COMMD10: variants seen among roughly 807,000 people sequenced by gnomAD.
COMMD10 encodes COMM domain containing 10.
In COMMD10, 33 loss-of-function variants were observed where a neutral mutation model predicts 28.9. That is an observed-to-expected ratio of 1.14 (90% CI 0.87 to 1.53). COMMD10 has a LOEUF of 1.53. Ranked by LOEUF, COMMD10 falls within the 40% of genes most tolerant of loss-of-function variation. The probability of loss-of-function intolerance (pLI) is 0.00; values close to 1 mark genes in which losing one functional copy is unlikely to be tolerated. For synonymous variants in COMMD10, 110 were observed against 81.7 expected, an observed-to-expected ratio of 1.35 and a Z score of -1.87; for missense variants, 310 against 233.4, an observed-to-expected ratio of 1.33 and a Z score of -2.14.
rs147670050 is a variant in COMMD10 at position 116,225,892 on chromosome 5, A to G, written c.511-65625A>G. Among the ~76,000 whole-genome samples the G allele has an allele frequency of 2.5e-3, 377 of 151,936 alleles. 3 individuals carry two copies. The highest frequency in any genetic ancestry group is 8.8e-3 in the African/African-American group (366 of 41,372). On this transcript the variant is annotated intron_variant, in intron 5 of 6. Transcript: ENST00000274458. ...GTGTAAATTTTGTTGTCAGCTAGGAATTTGTGTAGCTTGTGCTCTGAATTT... is the reference window on the plus strand; with the variant it reads ...GTGTAAATTTTGTTGTCAGCTAGGAGTTTGTGTAGCTTGTGCTCTGAATTT...
At chr5:116,280,390 T>G (rs1166898045) in intron 5 of COMMD10, among the ~76,000 whole-genome samples, 1 of 151,824 alleles carries the variant, frequency 6.6e-6, no homozygotes, top group African/African-American at 2.4e-5. Context: ...TTATTATCCC[T>G]TTGGTTGCCA....
At chr5:116,146,490 T>C (rs1752355040) in intron 5 of COMMD10, among the ~76,000 whole-genome samples, 1 of 151,912 alleles carries the variant, frequency 6.6e-6, no homozygotes. Flanking sequence ...TTGTAAATTT[T>C]ACTTCAAGAC....
chr5:116,273,281 A>T (rs1750805803), intron 5 of COMMD10, among the ~76,000 whole-genome samples: 1 of 151,854 alleles, frequency 6.6e-6, no homozygotes, highest in African/African-American at 2.4e-5. Flanking sequence ...AGCTTTTTGA[A>T]GAACCCTCCT....
At chr5:116,108,967 G>T (rs1750943173) in intron 4 of COMMD10, among the ~76,000 whole-genome samples, 1 of 152,080 alleles carries the variant, frequency 6.6e-6, no homozygotes, top group Non-Finnish European at 1.5e-5. Context: ...CTGACCCGTT[G>T]TGCTTCCCGG....
chr5:116,198,663 A>G (rs1346588263), intron 5 of COMMD10, among the ~76,000 whole-genome samples: 1 of 152,170 alleles, frequency 6.6e-6, no homozygotes, highest in African/African-American at 2.4e-5. Context: ...AAAATCCTCT[A>G]CAGTCCTGTT....
chr5:116,187,767 T>G (rs72804875), intron 5 of COMMD10, among the ~76,000 whole-genome samples: 8,252 of 152,266 alleles, frequency 0.054, 310 homozygotes, highest in East Asian at 0.15. Flanking sequence ...AACATTATTA[T>G]AAATAAAATT....
intron 5 of COMMD10, among the ~76,000 whole-genome samples, chr5:116,158,138 C>T (rs923908258): frequency 2.0e-5 from 2 of 100,604 alleles, no homozygotes; most frequent in Middle Eastern, 4.9e-3. Context: ...CCCTCCCTTC[C>T]CCTCCCTCCC....
At position 116,263,285 on chromosome 5, in the gene COMMD10, G is replaced by A. The variant is rs192595294; in HGVS notation, c.511-28232G>A. Among the ~76,000 whole-genome samples, 4 of 151,824 alleles carry A rather than the reference G, an allele frequency of 2.6e-5. No homozygotes were observed. The South Asian group carries it at 8.3e-4, about 31-fold the overall frequency. ...CTACATAAGGGATCTAGAGAGTCAT[G>A]CCCTACAAACCATAAATTCTCATCA... is the stretch of plus-strand genomic sequence containing the variant. On this transcript the variant is annotated intron_variant, in intron 5 of 6. Transcript: ENST00000274458.
At chr5:116,288,872 CTTTTTTTTTT>C (rs1157658912) in intron 5 of COMMD10, among the ~76,000 whole-genome samples, 15 of 104,360 alleles carry the variant, frequency 1.4e-4, no homozygotes, top group African/African-American at 3.3e-4. Flanking sequence ...TGTTCTCTCT[CTTTTTTTTTT>C]TTTTTTTTTT....
chr5:116,265,636 G>A (rs763964090), intron 5 of COMMD10, among the ~76,000 whole-genome samples: 3 of 151,738 alleles, frequency 2.0e-5, no homozygotes, highest in Non-Finnish European at 4.4e-5. Flanking sequence ...CCTGGGCTAC[G>A]TACATGTGGA....
At chr5:116,095,472 A>G (rs1750439516) in intron 4 of COMMD10, among the ~76,000 whole-genome samples, 2 of 152,300 alleles carry the variant, frequency 1.3e-5, no homozygotes, top group Non-Finnish European at 2.9e-5. Context: ...TTAACGATAG[A>G]TTAATTGAGG....
intron 5 of COMMD10, among the ~76,000 whole-genome samples, chr5:116,251,826 A>G (rs963357589): frequency 4.6e-5 from 7 of 152,038 alleles, no homozygotes; most frequent in South Asian, 2.1e-4. Flanking sequence ...GGATGGCTGG[A>G]TCACATGGTA....
At chr5:116,133,931 T>G (rs1293399844) in intron 4 of COMMD10, 137 bp from the exon 5 acceptor site, 1 of 582,234 alleles carries the variant, frequency 1.7e-6, no homozygotes. Context: ...AGTATGCAGG[T>G]TAAAAGAGCC....
At chr5:116,189,312 C>T (rs925961457) in intron 5 of COMMD10, among the ~76,000 whole-genome samples, 2 of 152,166 alleles carry the variant, frequency 1.3e-5, no homozygotes, top group Non-Finnish European at 2.9e-5. Context: ...AGCAGTCCTC[C>T]CACCTCAGCC....
At chr5:116,211,750 C>T (rs1207825907) in intron 5 of COMMD10, among the ~76,000 whole-genome samples, 2 of 152,046 alleles carry the variant, frequency 1.3e-5, no homozygotes, top group East Asian at 3.9e-4. Context: ...TGTCTATTTG[C>T]AGCTACATTA....
At chr5:116,150,130 T>C (rs1232366909) in intron 5 of COMMD10, among the ~76,000 whole-genome samples, 2 of 152,196 alleles carry the variant, frequency 1.3e-5, no homozygotes, top group African/African-American at 2.4e-5. Context: ...TCCCCATTTC[T>C]TGTTTTTGTC....
intron 4 of COMMD10, among the ~76,000 whole-genome samples, chr5:116,103,577 T>C (rs1376274980): frequency 6.6e-6 from 1 of 152,198 alleles, no homozygotes; most frequent in African/African-American, 2.4e-5. Context: ...GTCAGATGGA[T>C]AGATTGCAAA....
chr5:116,170,286 G>A (rs1753279027), intron 5 of COMMD10, among the ~76,000 whole-genome samples: 1 of 152,194 alleles, frequency 6.6e-6, no homozygotes, highest in African/African-American at 2.4e-5. Flanking sequence ...TACAAGGGAT[G>A]TGAAAGACCT....
At chr5:116,213,870 T>C (rs1378928911) in intron 5 of COMMD10, among the ~76,000 whole-genome samples, 1 of 152,160 alleles carries the variant, frequency 6.6e-6, no homozygotes, top group Non-Finnish European at 1.5e-5. Flanking sequence ...ATACCCAAAT[T>C]TGTTGTTAAA....
Sources: gnomAD v4.1 joint callset for allele counts (sites outside exome capture counted in the v4.1 genomes callset) on GRCh38, gnomAD v4.1.1 for gene constraint, MANE v1.5 for transcripts, NCBI Gene and HGNC (gene_info 2026-07-23, HGNC 2026-07-21) for gene names.